THRB: variants seen among roughly 807,000 people sequenced by gnomAD.
The protein encoded by THRB is nuclear receptor subfamily 1 group A member 2.
A neutral mutation model predicts 47.8 loss-of-function variants in THRB; 12 were observed. That is an observed-to-expected ratio of 0.25 (90% CI 0.16 to 0.41). The LOEUF is 0.41. THRB is among the 10% of genes least tolerant of loss of function. THRB has a pLI of 1.00. For synonymous variants in THRB, 218 were observed against 212.2 expected, an observed-to-expected ratio of 1.03 and a Z score of -0.24; for missense variants, 348 against 589.2, an observed-to-expected ratio of 0.59 and a Z score of 4.24.
chr3:24,331,102 G>A (rs145727818), intron 2 of THRB, among the ~76,000 whole-genome samples: 1 of 152,142 alleles, frequency 6.6e-6, no homozygotes, highest in East Asian at 1.9e-4. Flanking sequence ...CCATAGATGA[G>A]TCTTGATTTT....
intron 1 of THRB, among the ~76,000 whole-genome samples, chr3:24,422,483 C>G (rs2069358503): frequency 6.6e-6 from 1 of 151,856 alleles, no homozygotes; most frequent in East Asian, 1.9e-4. Flanking sequence ...CCTTTTACTT[C>G]CCTTTATTTT....
chr3:24,165,299 C>T (rs770957527), intron 5 of THRB: 4 of 764,926 alleles, frequency 5.2e-6, no homozygotes, highest in African/African-American at 5.1e-5. Context: ...CTGCATGTAG[C>T]AATTGCTGCC....
intron 2 of THRB, among the ~76,000 whole-genome samples, chr3:24,331,912 T>C (rs1223787858): frequency 1.3e-5 from 2 of 152,156 alleles, no homozygotes; most frequent in Non-Finnish European, 2.9e-5. Context: ...GGCTACAAGA[T>C]CAGTCCCTTG....
intron 1 of THRB, among the ~76,000 whole-genome samples, chr3:24,356,007 A>T (rs922898187): frequency 5.3e-5 from 8 of 152,182 alleles, no homozygotes; most frequent in African/African-American, 1.7e-4. Flanking sequence ...GGTATGATTC[A>T]TCCTGAGGCA....
At chr3:24,247,374 T>C (rs115631137) in intron 3 of THRB, among the ~76,000 whole-genome samples, 1,664 of 152,318 alleles carry the variant, frequency 0.011, 18 homozygotes, top group Non-Finnish European at 0.015. Flanking sequence ...CTGCTAAGGA[T>C]TCTGCTGCCT....
intron 5 of THRB, chr3:24,165,111 T>G: frequency 1.3e-6 from 1 of 765,158 alleles, no homozygotes; most frequent in East Asian, 2.4e-5. Context: ...CTGTATTGAT[T>G]CAGGGCCATG....
chr3:24,292,482 G>A (rs1003923285), intron 3 of THRB, among the ~76,000 whole-genome samples: 1 of 152,138 alleles, frequency 6.6e-6, no homozygotes, highest in African/African-American at 2.4e-5. Flanking sequence ...TGTAGGTGCT[G>A]ACCCCAAAGT....
intron 1 of THRB, among the ~76,000 whole-genome samples, chr3:24,390,645 A>G (rs2066487696): frequency 6.6e-6 from 1 of 152,018 alleles, no homozygotes; most frequent in African/African-American, 2.4e-5. Context: ...GCTTTGCTTT[A>G]TGGCCTTGAA....
chr3:24,265,015 G>C (rs1256688286), intron 3 of THRB, among the ~76,000 whole-genome samples: 1 of 152,176 alleles, frequency 6.6e-6, no homozygotes. Flanking sequence ...TAATTAGACA[G>C]AGAATGCCTC....
chr3:24,472,985 G>A (rs77704657), intron 1 of THRB, among the ~76,000 whole-genome samples: 3,857 of 152,074 alleles, frequency 0.025, 90 homozygotes, highest in East Asian at 0.09. Flanking sequence ...GCTTATCTGT[G>A]ACTCACCATC....
At chr3:24,411,791 A>G (rs2068324752) in intron 1 of THRB, among the ~76,000 whole-genome samples, 1 of 151,776 alleles carries the variant, frequency 6.6e-6, no homozygotes, top group Admixed American at 6.6e-5. Context: ...AGCATCCTAC[A>G]ATGTGTAGGA....
intron 2 of THRB, among the ~76,000 whole-genome samples, chr3:24,324,210 T>C (rs1243257907): frequency 6.6e-6 from 1 of 152,198 alleles, no homozygotes; most frequent in Non-Finnish European, 1.5e-5. Context: ...TGAGAGGTCA[T>C]AGAAAGAAGT....
At chr3:24,430,278 T>C (rs966261241) in intron 1 of THRB, 2 of 152,000 alleles carry the variant, frequency 1.3e-5, no homozygotes, top group African/African-American at 4.8e-5. Context: ...GGTATGGAAA[T>C]AGAAATAGAC....
intron 1 of THRB, among the ~76,000 whole-genome samples, chr3:24,395,554 C>G (rs1055402182): frequency 1.3e-5 from 2 of 152,014 alleles, no homozygotes; most frequent in Non-Finnish European, 2.9e-5. Flanking sequence ...CAAATCAAAA[C>G]TACAGCGATA....
chr3:24,378,590 C>T (rs1281832453), intron 1 of THRB, among the ~76,000 whole-genome samples: 3 of 152,054 alleles, frequency 2.0e-5, no homozygotes, highest in Admixed American at 2.0e-4. Context: ...CATGACGGTG[C>T]TCAAGGTTGG....
intron 2 of THRB, among the ~76,000 whole-genome samples, chr3:24,312,649 T>C (rs908711135): frequency 6.6e-6 from 1 of 152,142 alleles, no homozygotes; most frequent in Non-Finnish European, 1.5e-5. Context: ...TTTTTCTCTA[T>C]TGTACATCTA....
At chr3:24,290,403 G>C (rs80025133) in intron 3 of THRB, among the ~76,000 whole-genome samples, 3,484 of 152,204 alleles carry the variant, frequency 0.023, 118 homozygotes, top group African/African-American at 0.077. Flanking sequence ...GAATTAACAC[G>C]GGAGACATCT....
intron 1 of THRB, among the ~76,000 whole-genome samples, chr3:24,375,363 T>TTATATTTAGACATATAATATTAA (rs1384011752): frequency 0.058 from 8,438 of 145,506 alleles, 446 homozygotes; most frequent in Middle Eastern, 0.093. Flanking sequence ...TATTAATATA[T>TTATATTTAGACATATAATATTAA]TATATTTAGA....
chr3:24,240,230 C>T (rs554515807), intron 3 of THRB, among the ~76,000 whole-genome samples: 1 of 152,270 alleles, frequency 6.6e-6, no homozygotes, highest in East Asian at 1.9e-4. Flanking sequence ...CCAAGTGAGT[C>T]GGCCTGGCTT....
Sources: allele counts gnomAD v4.1 joint callset (sites outside exome capture counted in the v4.1 genomes callset), GRCh38; gene constraint gnomAD v4.1.1; transcripts MANE v1.5; gene names NCBI Gene and HGNC (gene_info 2026-07-23, HGNC 2026-07-21).